The following SNTB2 variants were observed in gnomAD, a reference collection of about 807,000 sequenced individuals.
SNTB2 encodes syntrophin beta 2, also known as beta-2-syntrophin.
In SNTB2, 34 loss-of-function variants were observed where a neutral mutation model predicts 46.2. That is an observed-to-expected ratio of 0.74 (90% CI 0.56 to 0.98). The LOEUF (loss-of-function observed/expected upper bound fraction) is 0.98, where lower values mean the gene tolerates loss of function less well. Among genes scored for constraint, SNTB2 ranks in the 50% least tolerant of loss-of-function variants. SNTB2 has a pLI of 0.00. For missense variants in SNTB2, 603 were observed against 731.4 expected, an observed-to-expected ratio of 0.82 and a Z score of 2.02; for synonymous variants, 290 against 312.6, an observed-to-expected ratio of 0.93 and a Z score of 0.76.
At chr16:69,199,710 C>T (rs1246188384) in intron 1 of SNTB2, among the ~76,000 whole-genome samples, 8 of 151,306 alleles carry the variant, frequency 5.3e-5, no homozygotes, top group Admixed American at 5.3e-4. Flanking sequence ...TTATTGTGTA[C>T]CTTGAGGTGT....
At chr16:69,196,580 G>A (rs563424115) in intron 1 of SNTB2, among the ~76,000 whole-genome samples, 6 of 151,970 alleles carry the variant, frequency 3.9e-5, no homozygotes, top group South Asian at 2.1e-4. Flanking sequence ...TCACCATATT[G>A]GTCAGGCTGG....
intron 2 of SNTB2, among the ~76,000 whole-genome samples, chr16:69,257,208 C>G (rs1209596173): frequency 6.6e-6 from 1 of 151,600 alleles, no homozygotes; most frequent in Non-Finnish European, 1.5e-5. Flanking sequence ...ATATTCAGAC[C>G]TAACCTGCTA....
At chr16:69,281,494 T>TTG (rs1555500743) in intron 4 of SNTB2, among the ~76,000 whole-genome samples, 139 of 150,386 alleles carry the variant, frequency 9.2e-4, no homozygotes, top group South Asian at 3.4e-3. Flanking sequence ...GGTTTTTTTT[T>TTG]TTTTGTTTTT....
At chr16:69,193,600 A>G in intron 1 of SNTB2, among the ~76,000 whole-genome samples, 1 of 152,120 alleles carries the variant, frequency 6.6e-6, no homozygotes. Context: ...AAGTGCTGGG[A>G]TTACAGGTGT....
At chr16:69,188,469 T>G (rs1307837183) in intron 1 of SNTB2, among the ~76,000 whole-genome samples, 1 of 152,178 alleles carries the variant, frequency 6.6e-6, no homozygotes, top group Non-Finnish European at 1.5e-5. Context: ...AAATGGCAAA[T>G]CACAAGATAG....
intron 5 of SNTB2, among the ~76,000 whole-genome samples, chr16:69,297,616 CA>C (rs35953183): frequency 4.9e-4 from 61 of 123,454 alleles, no homozygotes; most frequent in Non-Finnish European, 3.5e-4. Context: ...ACTCTGTCTC[CA>C]AAAAAAAAAA....
intron 1 of SNTB2, among the ~76,000 whole-genome samples, chr16:69,198,082 CA>C: frequency 6.8e-6 from 1 of 148,114 alleles, no homozygotes; most frequent in Non-Finnish European, 1.5e-5. Flanking sequence ...TTGTCCTTTA[CA>C]ATGTAACAGA....
chr16:69,235,746 A>G, intron 1 of SNTB2: 2 of 1,289,092 alleles, frequency 1.6e-6, no homozygotes, highest in African/African-American at 3.0e-5. Context: ...CTCTGCTTTC[A>G]GGCCTATAAT....
intron 2 of SNTB2, among the ~76,000 whole-genome samples, chr16:69,255,160 C>G (rs1567408120): frequency 1.3e-5 from 2 of 151,946 alleles, no homozygotes; most frequent in African/African-American, 4.8e-5. Context: ...TACAGTGGTA[C>G]TATCATAGCT....
intron 5 of SNTB2, among the ~76,000 whole-genome samples, chr16:69,292,063 C>CA (rs1965164452): frequency 6.6e-6 from 1 of 151,388 alleles, no homozygotes; most frequent in Non-Finnish European, 1.5e-5. Context: ...ACTAAAAATA[C>CA]AAAAAATTAG....
chr16:69,197,082 ACT>A (rs1964112935), intron 1 of SNTB2, among the ~76,000 whole-genome samples: 1 of 151,900 alleles, frequency 6.6e-6, no homozygotes, highest in African/African-American at 2.4e-5. Context: ...GAATAACTAC[ACT>A]CTGTTAGACA....
At chr16:69,271,958 G>C (rs1415060297) in intron 4 of SNTB2, among the ~76,000 whole-genome samples, 2 of 152,122 alleles carry the variant, frequency 1.3e-5, no homozygotes, top group East Asian at 1.9e-4. Flanking sequence ...ACTATCAGTG[G>C]TATTAATTTG....
intron 1 of SNTB2, among the ~76,000 whole-genome samples, chr16:69,193,520 G>C (rs994482649): frequency 6.6e-6 from 1 of 151,524 alleles, no homozygotes; most frequent in Non-Finnish European, 1.5e-5. Context: ...GTAGAGACAG[G>C]GTTTCTCCAT....
intron 4 of SNTB2, among the ~76,000 whole-genome samples, chr16:69,279,030 A>G (rs1858368861): frequency 6.6e-6 from 1 of 152,138 alleles, no homozygotes; most frequent in African/African-American, 2.4e-5. Context: ...TTTTATTTTA[A>G]AAAACTCACA....
intron 5 of SNTB2, among the ~76,000 whole-genome samples, chr16:69,293,431 G>C (rs1428349478): frequency 3.3e-5 from 5 of 152,188 alleles, no homozygotes; most frequent in Non-Finnish European, 5.9e-5. Flanking sequence ...AGTAGGATGA[G>C]GCTGAAAAAG....
At chr16:69,238,575 G>C (rs1201164184) in intron 1 of SNTB2, among the ~76,000 whole-genome samples, 1 of 152,084 alleles carries the variant, frequency 6.6e-6, no homozygotes, top group Non-Finnish European at 1.5e-5. Context: ...CCCATTTCCT[G>C]AACTGCAGAC....
chr16:69,228,505 CAAAAAA>C (rs778681180), intron 1 of SNTB2, among the ~76,000 whole-genome samples: 1 of 50,176 alleles, frequency 2.0e-5, no homozygotes, highest in Non-Finnish European at 4.2e-5. Flanking sequence ...GACTCTATCT[CAAAAAA>C]AAAAAAAAAA....
chr16:69,308,060 C>T lies in SNTB2; in HGVS notation c.*7136C>T, dbSNP rs895605740. 3 of 152,560 alleles carry T rather than the reference C, an allele frequency of 2.0e-5. No individual in the cohort carries two copies. Among genetic ancestry groups the T allele is most frequent in the Admixed American group, 6.5e-5 (1 of 15,276 alleles). 9.5% of individuals were successfully genotyped at this position (152,560 alleles called of 1,614,324 possible). On this transcript the variant is annotated 3_prime_UTR_variant, in exon 7 of 7. Coordinates refer to ENST00000336278, the MANE Select transcript of SNTB2 (RefSeq NM_006750.4). ...CAGTGATTGGAATGGCACAGGAAAC[C>T]GAATCACATGGGTGCCCTCCCCTTG...
intron 4 of SNTB2, among the ~76,000 whole-genome samples, chr16:69,278,741 C>T (rs1215733426): frequency 6.6e-6 from 1 of 152,214 alleles, no homozygotes; most frequent in Non-Finnish European, 1.5e-5. Context: ...CAGGCATGAG[C>T]CACCACACCC....
Sources: allele counts gnomAD v4.1 joint callset (sites outside exome capture counted in the v4.1 genomes callset), GRCh38; gene constraint gnomAD v4.1.1; transcripts MANE v1.5; gene names NCBI Gene and HGNC (gene_info 2026-07-23, HGNC 2026-07-21).